PTPRR: variants seen among roughly 807,000 people sequenced by gnomAD.
PTPRR encodes the protein protein tyrosine phosphatase receptor type R.
In PTPRR, 38 loss-of-function variants were observed where a neutral mutation model predicts 77.2. The observed-to-expected ratio is 0.49, with a 90% CI of 0.38 to 0.65. The LOEUF (loss-of-function observed/expected upper bound fraction) is 0.65. PTPRR is among the 30% of genes least tolerant of loss of function. The probability of loss-of-function intolerance (pLI) is 0.00; values close to 1 mark genes in which losing one functional copy is unlikely to be tolerated. For synonymous variants in PTPRR, 299 were observed against 283.1 expected (o/e 1.06, Z -0.57); for missense variants, 744 against 799.2 (o/e 0.93, Z 0.83).
intron 2 of PTPRR, among the ~76,000 whole-genome samples, chr12:70,770,432 G>A (rs966638092): frequency 3.9e-5 from 6 of 152,336 alleles, no homozygotes; most frequent in African/African-American, 1.4e-4. Context: ...CTGGCCATCA[G>A]AGAAATGCAA....
intron 1 of PTPRR, among the ~76,000 whole-genome samples, chr12:70,914,434 T>G (rs145444772): frequency 3.3e-5 from 5 of 152,258 alleles, no homozygotes; most frequent in Non-Finnish European, 7.4e-5. Flanking sequence ...AGATATTATG[T>G]GAGAAATAAG....
At chr12:70,711,356 T>C (rs776796523) in intron 6 of PTPRR, among the ~76,000 whole-genome samples, 2 of 151,886 alleles carry the variant, frequency 1.3e-5, no homozygotes, top group African/African-American at 4.8e-5. Context: ...CACATGGATA[T>C]GTAGAGGGGA....
chr12:70,646,944 TA>T (rs543733158), intron 13 of PTPRR, among the ~76,000 whole-genome samples: 235 of 145,496 alleles, frequency 1.6e-3, no homozygotes, highest in Admixed American at 3.2e-3. Context: ...TGGCTGTAGT[TA>T]AAAAAAAAAA....
intron 2 of PTPRR, among the ~76,000 whole-genome samples, chr12:70,769,742 C>G (rs1288114366): frequency 6.6e-6 from 1 of 151,898 alleles, no homozygotes; most frequent in African/African-American, 2.4e-5. Context: ...AGGCATCATG[C>G]TACCTCACTT....
chr12:70,806,079 C>T (rs1438854829), intron 2 of PTPRR, among the ~76,000 whole-genome samples: 1 of 152,174 alleles, frequency 6.6e-6, no homozygotes, highest in Non-Finnish European at 1.5e-5. Flanking sequence ...AGATTTCTTA[C>T]CCTCACAGGT....
intron 2 of PTPRR, among the ~76,000 whole-genome samples, chr12:70,890,064 T>G (rs1405380170): frequency 6.6e-6 from 1 of 152,138 alleles, no homozygotes; most frequent in East Asian, 1.9e-4. Context: ...CCTGGTGTTG[T>G]GGCCTTGTGT....
chr12:70,785,762 C>T lies in PTPRR; in HGVS notation c.358-20984G>A, dbSNP rs373494292. ...AAAACAGATTTAACGCAAAGTTCCT[C>T]AGAGACAGGAGAAAAATCACGATTT... On this transcript the variant is annotated intron_variant, in intron 2 of 13. Coordinates refer to ENST00000283228, the MANE Select transcript of PTPRR (RefSeq NM_002849.4). 8.7e-4 allele frequency among the ~76,000 whole-genome samples: 133 copies of T among 152,276 alleles called. 1 individual carries two copies. Among genetic ancestry groups the T allele is most frequent in the African/African-American group, 3.2e-3 (131 of 41,564 alleles).
Position 70,892,740 on chromosome 12 carries a change from A to T in PTPRR, c.296T>A (p.Met99Lys), listed in dbSNP as rs764740498. 6.2e-7 allele frequency: 1 copy of T among 1,613,524 alleles called. No homozygotes were observed. The highest frequency in any genetic ancestry group is 8.5e-7 in the Non-Finnish European group (1 of 1,179,554). Residue 99 changes from methionine (M) to lysine (K), a missense_variant, in exon 2 of 14, where the codon ATG becomes AAG. Physicochemically the swap from Met to Lys is moderately conservative, Grantham distance 95. Around this residue, in one of 3 missense-constraint regions of PTPRR, gnomAD observed 570 missense variants for 573.2 expected, o/e 0.99. Coordinates refer to ENST00000283228, the MANE Select transcript of PTPRR (RefSeq NM_002849.4). ...AYDPSLNLLAMDGQDLEVENL... is the reference protein window; with the variant it reads ...AYDPSLNLLAKDGQDLEVENL... Reference sequence around the variant, plus strand: ...TTCCACTTCAAGATCTTGACCATCCATGGCCAGCAGATTGAGAGACGGGTC... The same window carrying T: ...TTCCACTTCAAGATCTTGACCATCCTTGGCCAGCAGATTGAGAGACGGGTC...
intron 12 of PTPRR, among the ~76,000 whole-genome samples, chr12:70,658,418 G>A (rs1241126062): frequency 1.3e-5 from 2 of 152,184 alleles, no homozygotes; most frequent in Non-Finnish European, 2.9e-5. Context: ...GAATTCAGAG[G>A]AGTGGCTCTC....
intron 5 of PTPRR, among the ~76,000 whole-genome samples, chr12:70,750,914 T>C (rs1190565984): frequency 2.0e-5 from 3 of 151,488 alleles, no homozygotes; most frequent in East Asian, 3.9e-4. Context: ...CCCTTTTTTT[T>C]TTTTTTGTAA....
chr12:70,872,014 G>A (rs2137092268), intron 2 of PTPRR, among the ~76,000 whole-genome samples: 1 of 152,018 alleles, frequency 6.6e-6, no homozygotes, highest in East Asian at 1.9e-4. Flanking sequence ...ACAAACATTT[G>A]TCTGAACACC....
rs187570297 is a variant in PTPRR, at chr12:70,838,543, A to G, written c.357+54136T>C. On this transcript the variant is annotated intron_variant, in intron 2 of 13. Transcript: ENST00000283228. ...GGAGTGAAAGAGAAGAATCTGGGCT[A>G]TTTGGAATTTCAGGTTATTTGGTTG... 1.9e-4 allele frequency among the ~76,000 whole-genome samples: 29 copies of G among 152,316 alleles called. No individual in the cohort carries two copies. In the East Asian group the frequency reaches 4.1e-3, roughly 21 times the overall value.
chr12:70,876,865 G>C (rs1330409098), intron 2 of PTPRR, among the ~76,000 whole-genome samples: 1 of 152,176 alleles, frequency 6.6e-6, no homozygotes, highest in African/African-American at 2.4e-5. Context: ...GTCAGATCTA[G>C]AAGTAGGTGA....
At chr12:70,918,715 A>G (rs1893810383) in intron 1 of PTPRR, among the ~76,000 whole-genome samples, 1 of 152,232 alleles carries the variant, frequency 6.6e-6, no homozygotes, top group South Asian at 2.1e-4. Flanking sequence ...TTTTGAAAAA[A>G]TGACTACACT....
chr12:70,761,327 C>A, intron 4 of PTPRR, 144 bp downstream of exon 4: 1 of 711,140 alleles, frequency 1.4e-6, no homozygotes, highest in Non-Finnish European at 2.2e-6. Flanking sequence ...ATGTAAAGAT[C>A]AGAGAATTCT....
At chr12:70,668,599 T>C (rs1887100195) in intron 10 of PTPRR, among the ~76,000 whole-genome samples, 1 of 152,170 alleles carries the variant, frequency 6.6e-6, no homozygotes. Context: ...ACACTTAACA[T>C]TTTCTTATTA....
At chr12:70,762,299 A>C (rs576297951) in intron 3 of PTPRR, among the ~76,000 whole-genome samples, 1 of 152,220 alleles carries the variant, frequency 6.6e-6, no homozygotes, top group East Asian at 1.9e-4. Flanking sequence ...ACACATACAC[A>C]CACACACACA....
chr12:70,810,621 A>G (rs994532916), intron 2 of PTPRR, among the ~76,000 whole-genome samples: 33 of 152,168 alleles, frequency 2.2e-4, no homozygotes, highest in African/African-American at 8.0e-4. Flanking sequence ...CAAAACCTTA[A>G]GTTGCCTGGA....
At chr12:70,846,400 G>A (rs905571099) in intron 2 of PTPRR, among the ~76,000 whole-genome samples, 5 of 152,140 alleles carry the variant, frequency 3.3e-5, no homozygotes, top group African/African-American at 9.7e-5. Flanking sequence ...AGCCCTGAAC[G>A]TAGGTACCTG....
Sources: allele counts gnomAD v4.1 joint callset (sites outside exome capture counted in the v4.1 genomes callset), GRCh38; gene constraint gnomAD v4.1.1; regional missense constraint gnomAD v4.1.1; transcripts MANE v1.5; gene names NCBI Gene and HGNC (gene_info 2026-07-23, HGNC 2026-07-21).